The following TJP2 variants were observed in gnomAD, a reference collection of about 807,000 sequenced individuals.
The protein encoded by TJP2 is Friedreich ataxia region gene X104 (tight junction protein ZO-2).
Under a neutral mutation model 133.1 loss-of-function variants are expected in TJP2, and 91 were observed. That is an observed-to-expected ratio of 0.68 (90% confidence interval 0.58 to 0.81). TJP2 has a LOEUF of 0.81. Among genes scored for constraint, TJP2 ranks in the 40% least tolerant of loss-of-function variants. The pLI is 0.00. For synonymous variants in TJP2, 592 were observed against 583.4 expected, an observed-to-expected ratio of 1.01 and a Z score of -0.21; for missense variants, 1,541 against 1,565.6, an observed-to-expected ratio of 0.98 and a Z score of 0.26.
chr9:69,208,767 A>G (rs907047503), intron 1 of TJP2, among the ~76,000 whole-genome samples: 1 of 152,100 alleles, frequency 6.6e-6, no homozygotes, highest in African/African-American at 2.4e-5. Flanking sequence ...AGTCCCAGTT[A>G]GTTTTTTTTC....
At chr9:69,150,020 C>T (rs1488656272) in intron 1 of TJP2, among the ~76,000 whole-genome samples, 1 of 151,836 alleles carries the variant, frequency 6.6e-6, no homozygotes, top group African/African-American at 2.4e-5. Context: ...CGTGGTGGCA[C>T]GTGCCTGTAA....
chr9:69,240,448 T>A (rs2133413172), intron 17 of TJP2, among the ~76,000 whole-genome samples: 1 of 152,348 alleles, frequency 6.6e-6, no homozygotes, highest in East Asian at 1.9e-4. Context: ...GCCAAACACC[T>A]ATGTCTCTCT....
chr9:69,155,523 C>A (rs561227989), intron 2 of TJP2, among the ~76,000 whole-genome samples: 1 of 152,338 alleles, frequency 6.6e-6, no homozygotes, highest in South Asian at 2.1e-4. Context: ...GGGGTAAGTC[C>A]CAGGAATTTG....
intron 5 of TJP2, 116 bp downstream of exon 5, chr9:69,221,612 G>A: frequency 7.2e-7 from 1 of 1,394,660 alleles, no homozygotes; most frequent in Admixed American, 2.0e-5. Context: ...GGAGGGAAGT[G>A]GCGTGATCTC....
In TJP2 at chr9:69,178,032, G is replaced by A. The variant is rs546982491; in HGVS notation, c.60+3600G>A. ...CCCATAACAGTGACGGCTCCATTCTGTTTTTTAAAGGGATTGGTGTCTCTA... is the reference window on the plus strand; with the variant it reads ...CCCATAACAGTGACGGCTCCATTCTATTTTTTAAAGGGATTGGTGTCTCTA... On this transcript the variant is annotated intron_variant, in intron 1 of 22. Transcript: ENST00000377245. 3.3e-5 allele frequency among the ~76,000 whole-genome samples: 5 copies of A among 152,170 alleles called. No homozygotes were observed. The East Asian group carries it at 9.6e-4, about 29-fold the overall frequency.
At chr9:69,193,127 G>C (rs1826317674) in intron 1 of TJP2, among the ~76,000 whole-genome samples, 1 of 151,952 alleles carries the variant, frequency 6.6e-6, no homozygotes, top group East Asian at 1.9e-4. Flanking sequence ...TGTTGCCCAG[G>C]CTGGTCTTGA....
intron 1 of TJP2, among the ~76,000 whole-genome samples, chr9:69,196,941 GTGTGTACACA>G (rs1160575355): frequency 2.6e-5 from 1 of 39,038 alleles, no homozygotes; most frequent in Non-Finnish European, 6.4e-5. Flanking sequence ...GTGTGTGTGT[GTGTGTACACA>G]CACACACACA....
chr9:69,182,241 T>G (rs1825566450), intron 1 of TJP2, among the ~76,000 whole-genome samples: 1 of 152,222 alleles, frequency 6.6e-6, no homozygotes, highest in African/African-American at 2.4e-5. Flanking sequence ...TTCCTTGGGC[T>G]GGTCTGTTTA....
At position 69,248,238 on chromosome 9, in the gene TJP2, G is replaced by T. The variant is rs1329812695; in HGVS notation, c.2880+14G>T. 6.3e-6 allele frequency: 10 copies of T among 1,577,152 alleles called. No individual in the cohort carries two copies. The highest frequency in any genetic ancestry group is 8.6e-6 in the Non-Finnish European group (10 of 1,159,822). On this transcript the variant is annotated intron_variant, in intron 19 of 22. Transcript: ENST00000377245. Reference sequence around the variant, plus strand: ...CAGCACGAGGAGGTGAGGCGAGGCAGGCCACGGGCAGGAACAGGAGAGCCT... The same window carrying T: ...CAGCACGAGGAGGTGAGGCGAGGCATGCCACGGGCAGGAACAGGAGAGCCT...
chr9:69,208,524 C>G (rs1827612898), intron 1 of TJP2, among the ~76,000 whole-genome samples: 1 of 152,148 alleles, frequency 6.6e-6, no homozygotes, highest in Admixed American at 6.5e-5. Flanking sequence ...CAGATTCATT[C>G]TACTTGAGCC....
At chr9:69,132,274 C>G (rs900479101) in intron 1 of TJP2, among the ~76,000 whole-genome samples, 29 of 152,230 alleles carry the variant, frequency 1.9e-4, no homozygotes, top group African/African-American at 6.8e-4. Flanking sequence ...CAGTGTGAGA[C>G]TCTTACCAGT....
intron 1 of TJP2, among the ~76,000 whole-genome samples, chr9:69,184,144 G>A (rs1169677548): frequency 5.3e-5 from 8 of 152,156 alleles, no homozygotes; most frequent in Admixed American, 5.2e-4. Context: ...AGTTTTCTCA[G>A]TTGTAAAATA....
chr9:69,220,510 A>G (rs768941063), intron 4 of TJP2, among the ~76,000 whole-genome samples: 9 of 152,228 alleles, frequency 5.9e-5, no homozygotes, highest in Non-Finnish European at 5.9e-5. Context: ...GTACCCATCA[A>G]TCAACTTCTC....
chr9:69,174,534 A>C, intron 1 of TJP2, 102 bp downstream of exon 1: 1 of 1,324,806 alleles, frequency 7.5e-7, no homozygotes, highest in South Asian at 1.3e-5. Context: ...TTGTTCCCCG[A>C]TGCGCCGTAG....
chr9:69,210,299 C>CCA (rs377382335), intron 1 of TJP2, among the ~76,000 whole-genome samples: 30 of 28,648 alleles, frequency 1.0e-3, no homozygotes, highest in South Asian at 1.8e-3. Flanking sequence ...CCCCCCCCCC[C>CCA]AAAAAAAAAA....
chr9:69,173,616 G>A (rs1824813328), upstream of TJP2, among the ~76,000 whole-genome samples: 1 of 152,182 alleles, frequency 6.6e-6, no homozygotes, highest in Non-Finnish European at 1.5e-5. Context: ...CGGAATTCGG[G>A]TAGGCAGTTG....
chr9:69,173,844 G>A (rs999082098), upstream of TJP2, among the ~76,000 whole-genome samples: 2 of 152,200 alleles, frequency 1.3e-5, no homozygotes, highest in Non-Finnish European at 2.9e-5. Context: ...GGCCAGCAGC[G>A]CCCGGAGCTC....
intron 17 of TJP2, among the ~76,000 whole-genome samples, chr9:69,242,978 C>G (rs1169486266): frequency 6.6e-6 from 1 of 152,200 alleles, no homozygotes; most frequent in Non-Finnish European, 1.5e-5. Context: ...ACCTTCCCTC[C>G]TCAGCCTCCC....
intron 14 of TJP2, 101 bp from the exon 15 acceptor site, chr9:69,237,777 T>C: frequency 1.2e-6 from 1 of 845,936 alleles, no homozygotes; most frequent in Admixed American, 1.9e-5. Flanking sequence ...CACAGTTTCT[T>C]TCGTTTAGTT....
Sources: gnomAD v4.1 joint callset for allele counts (sites outside exome capture counted in the v4.1 genomes callset) on GRCh38, gnomAD v4.1.1 for gene constraint, MANE v1.5 for transcripts, NCBI Gene and HGNC (gene_info 2026-07-23, HGNC 2026-07-21) for gene names.